Variants in MAN1B1 observed in about 807,000 individuals in gnomAD.
MAN1B1 encodes the protein endoplasmic reticulum mannosyl-oligosaccharide 1,2-alpha-mannosidase.
In MAN1B1, 66 loss-of-function variants were observed where a neutral mutation model predicts 75.5. That is an observed-to-expected ratio of 0.87 (90% CI 0.72 to 1.07). MAN1B1 has a LOEUF of 1.07. MAN1B1 is among the 50% of genes least tolerant of loss of function. The pLI is 0.00. For missense variants in MAN1B1, 973 were observed against 912.5 expected (o/e 1.07, Z -0.85); for synonymous variants, 453 against 382.8 (o/e 1.18, Z -2.14).
In MAN1B1 at chr9:137,109,006, C is replaced by T; in HGVS notation, c.*415C>T. On this transcript the variant is annotated 3_prime_UTR_variant, in exon 13 of 13. Transcript: ENST00000371589. ...CCAATCCAAGGGTCTGGAGGGGCTG[C>T]CGTGACTCCAGAGGCCTGAGGCTCC... 1 of 460,458 alleles carries T rather than the reference C, an allele frequency of 2.2e-6. No individual in the cohort carries two copies. The highest frequency in any genetic ancestry group is 1.5e-5 in the South Asian group (1 of 64,574). The allele number at this position is 460,458 out of a possible 1,614,324, so 28.5% of individuals were successfully genotyped here. A position where few individuals can be genotyped will look rare whatever the true frequency, so the allele number is the denominator to read the frequency against.
In MAN1B1 at chr9:137,101,673, G is replaced by T; in HGVS notation, c.1254+1G>T. The T allele has an allele frequency of 6.2e-7, 1 of 1,611,804 alleles. No individual in the cohort carries two copies. Among genetic ancestry groups the T allele is most frequent in the Non-Finnish European group, 8.5e-7 (1 of 1,178,794 alleles). The stretch of plus-strand genomic sequence containing the variant: ...TCTCACAGGGGATAAGAAGTTTCAG[G>T]TAAGGGGGCAGGCTTTCTGGCTGGA... On this transcript the variant is annotated splice_donor_variant, in intron 8 of 12. Transcript: ENST00000371589. LOFTEE classifies it high-confidence loss of function.
chr9:137,108,699 G>A lies in MAN1B1; in HGVS notation c.*108G>A. ...CACCGGCAACCGCCAAGTGGCCCAGGCTCTGAACTGGCTCTGGGCTCCTCC... is the reference window on the plus strand; with the variant it reads ...CACCGGCAACCGCCAAGTGGCCCAGACTCTGAACTGGCTCTGGGCTCCTCC... On this transcript the variant is annotated 3_prime_UTR_variant, in exon 13 of 13. Coordinates refer to ENST00000371589, the MANE Select transcript of MAN1B1 (RefSeq NM_016219.5). 2.0e-6 allele frequency: 2 copies of A among 1,020,832 alleles called. No homozygotes were observed. Among genetic ancestry groups the A allele is most frequent in the Admixed American group, 3.5e-5 (2 of 57,050 alleles). 63.2% of individuals were successfully genotyped at this position (1,020,832 alleles called of 1,614,324 possible).
Position 137,087,041 on chromosome 9 carries a change from C to T in MAN1B1, c.42C>T (p.Ser14=), listed in dbSNP as rs759801146. The T allele has an allele frequency of 5.0e-6, 8 of 1,604,020 alleles. No individual in the cohort carries two copies. In the Admixed American group the frequency reaches 5.1e-5, roughly 10 times the overall value. Residue 14 remains serine, a synonymous_variant, in exon 1 of 13, where the codon TCC becomes TCT. Coordinates refer to ENST00000371589, the MANE Select transcript of MAN1B1 (RefSeq NM_016219.5). The part of the protein sequence containing the change: ...CEGRRSGALG[S]SQSDFLTPPV... ...GCAGGAGAAGCGGAGCTCTCGGTTC[C>T]TCTCAGTCGGACTTCCTGACGCCGC...
At chr9:137,087,812 T>C (rs1830414047) in intron 1 of MAN1B1, among the ~76,000 whole-genome samples, 1 of 152,240 alleles carries the variant, frequency 6.6e-6, no homozygotes, top group African/African-American at 2.4e-5. Context: ...GTCCCAGCAA[T>C]GTTCCTACTC....
rs1244821111 is a variant in MAN1B1 at position 137,108,444 on chromosome 9, G to C, written c.1953G>C (p.Glu651Asp). The C allele has an allele frequency of 3.7e-6, 6 of 1,613,828 alleles. No individual in the cohort carries two copies. The highest frequency in any genetic ancestry group is 5.1e-6 in the Non-Finnish European group (6 of 1,180,032). Residue 651 changes from glutamate (E) to aspartate (D), a missense_variant, in exon 13 of 13, where the codon GAG (glutamate) becomes GAC (aspartate). Transcript: ENST00000371589. ...ATGTCCAGGATCCTCAGAAGCCCGA[G>C]CCTAGGGACAAGATGGAGAGCTTCT... ...INNVQDPQKP[E>D]PRDKMESFFL...
chr9:137,101,823 T>A, intron 8 of MAN1B1, 151 bp downstream of exon 8: 1 of 976,514 alleles, frequency 1.0e-6, no homozygotes, highest in Non-Finnish European at 1.6e-6. Flanking sequence ...CTTAACCATT[T>A]CCAGGCGTGG....
At chr9:137,093,502 T>C (rs1830571239) in intron 3 of MAN1B1, among the ~76,000 whole-genome samples, 1 of 152,108 alleles carries the variant, frequency 6.6e-6, no homozygotes, top group African/African-American at 2.4e-5. Flanking sequence ...ACACTCAAGG[T>C]ATTTGAAAAG....
At position 137,107,301 on chromosome 9, in the gene MAN1B1, G is replaced by A. The variant is rs370134279; in HGVS notation, c.1618G>A (p.Gly540Ser). The A allele has an allele frequency of 5.1e-5, 83 of 1,613,102 alleles. No homozygotes were observed. The Middle Eastern group carries it at 6.6e-4, about 13-fold the overall frequency. Reference protein sequence around the residue: ...PGTLALGVYHGLPASHMELAQ... With the variant: ...PGTLALGVYHSLPASHMELAQ... ...GACGCTGGCTCTGGGCGTCTACCAC[G>A]GCCTGCCCGCCAGCCACATGGAGCT... Residue 540 changes from glycine (G) to serine (S), a missense_variant, in exon 11 of 13, where the codon GGC becomes AGC. Coordinates refer to ENST00000371589, the MANE Select transcript of MAN1B1 (RefSeq NM_016219.5).
chr9:137,107,998 A>C, intron 12 of MAN1B1: 1 of 620,872 alleles, frequency 1.6e-6, no homozygotes, highest in Non-Finnish European at 2.9e-6. Context: ...CACCATCCCC[A>C]CTGTGGACCA....
chr9:137,101,066 C>G lies in MAN1B1; in HGVS notation c.978C>G (p.Val326=). The change falls in exon 7 of 13, where the codon GTC becomes GTG. Residue 326 remains valine (V), a synonymous_variant. Transcript: ENST00000371589. ...TACACTTTGAAAAGGACGTGGACGT[C>G]AACCTGTTTGAGAGCACGATCCGCA... is the stretch of plus-strand genomic sequence containing the variant. ...KKLHFEKDVD[V]NLFESTIRIL... The G allele has an allele frequency of 1.2e-6, 2 of 1,614,188 alleles. No individual in the cohort carries two copies. The highest frequency in any genetic ancestry group is 1.7e-6 in the Non-Finnish European group (2 of 1,180,048).
At chr9:137,099,031 T>C (rs1279788580) in intron 5 of MAN1B1, among the ~76,000 whole-genome samples, 1 of 152,132 alleles carries the variant, frequency 6.6e-6, no homozygotes, top group African/African-American at 2.4e-5. Context: ...GGTTTCGCGA[T>C]GTTGGCGAGG....
Position 137,107,682 on chromosome 9 carries a change from C to T in MAN1B1, c.1896+20C>T. Reference sequence around the variant, plus strand: ...ACACGGGTGAGCACCTGTCCTCGCCCCGCGTGGTCACGGCCACCGGGCCAC... The same window carrying T: ...ACACGGGTGAGCACCTGTCCTCGCCTCGCGTGGTCACGGCCACCGGGCCAC... On this transcript the variant is annotated intron_variant, in intron 12 of 12. Coordinates refer to ENST00000371589, the MANE Select transcript of MAN1B1 (RefSeq NM_016219.5). 6.2e-7 allele frequency: 1 copy of T among 1,610,072 alleles called. No homozygotes were observed. The highest frequency in any genetic ancestry group is 8.5e-7 in the Non-Finnish European group (1 of 1,179,930).
chr9:137,098,955 T>G (rs1002130563), intron 5 of MAN1B1, among the ~76,000 whole-genome samples: 1 of 152,160 alleles, frequency 6.6e-6, no homozygotes, highest in Non-Finnish European at 1.5e-5. Context: ...TCAGCCTCCC[T>G]AGTAGCTGGG....
At chr9:137,104,967 C>T (rs894458719) in intron 8 of MAN1B1, 1 of 152,744 alleles carries the variant, frequency 6.5e-6, no homozygotes, top group African/African-American at 2.4e-5. Flanking sequence ...AAGCGATTCT[C>T]CTGCCTCAGC....
At chr9:137,087,385 C>G (rs1021476977) in intron 1 of MAN1B1, 167 bp downstream of exon 1, 30 of 877,762 alleles carry the variant, frequency 3.4e-5, no homozygotes, top group Non-Finnish European at 5.2e-5. Context: ...GTTGGGGCAG[C>G]CGTGGGCGGC....
intron 8 of MAN1B1, 102 bp from the exon 9 acceptor site, chr9:137,106,023 C>G: frequency 1.1e-6 from 1 of 904,268 alleles, no homozygotes. Context: ...GGGAGTCAGT[C>G]GGTGCTGGGG....
In MAN1B1 at chr9:137,097,872, CT is replaced by C; in HGVS notation, c.667del (p.Ser223GlnfsTer24). 1 of 1,560,158 alleles carries C rather than the reference CT, an allele frequency of 6.4e-7. No homozygotes were observed. The highest frequency in any genetic ancestry group is 8.7e-7 in the Non-Finnish European group (1 of 1,152,676). Reference sequence around the variant, plus strand: ...GAGCCTGAGCAGGGCACCGAGCTCCCTTCAAGAAGAGCAGAAGTGCCCACCA... The same window carrying C: ...GAGCCTGAGCAGGGCACCGAGCTCCCTCAAGAAGAGCAGAAGTGCCCACCA... ...VIEPEQGTEL[P>X]SRRAEVPTKP... On this transcript the variant is annotated frameshift_variant, in exon 5 of 13. Transcript: ENST00000371589. LOFTEE classifies it high-confidence loss of function.
chr9:137,099,648 A>C, intron 5 of MAN1B1, 48 bp from the exon 6 acceptor site: 1 of 1,603,500 alleles, frequency 6.2e-7, no homozygotes, highest in Middle Eastern at 1.8e-4. Flanking sequence ...ATCTGTGCCG[A>C]CGCCAGGACC....
At chr9:137,088,304 A>G in intron 2 of MAN1B1, 121 bp downstream of exon 2, 1 of 1,608,878 alleles carries the variant, frequency 6.2e-7, no homozygotes, top group Non-Finnish European at 8.5e-7. Flanking sequence ...TTGGCAAGAA[A>G]TCAAGATAAA....
Sources: gnomAD v4.1 joint callset for allele counts (sites outside exome capture counted in the v4.1 genomes callset) on GRCh38, gnomAD v4.1.1 for gene constraint, MANE v1.5 for transcripts, NCBI Gene and HGNC (gene_info 2026-07-23, HGNC 2026-07-21) for gene names.